DPY30: variants seen among roughly 807,000 people sequenced by gnomAD.
The protein encoded by DPY30 is dpy-30 histone methyltransferase complex regulatory subunit.
In DPY30, 6 loss-of-function variants were observed where a neutral mutation model predicts 16.2. That is an observed-to-expected ratio of 0.37 (90% confidence interval 0.20 to 0.73). The LOEUF (loss-of-function observed/expected upper bound fraction) is 0.73. Ranked by LOEUF, DPY30 falls within the 30% of genes least tolerant of loss-of-function variation. The probability of loss-of-function intolerance (pLI) is 0.51; values close to 1 mark genes in which losing one functional copy is unlikely to be tolerated. For synonymous variants in DPY30, 39 were observed against 38.8 expected, an observed-to-expected ratio of 1.00 and a Z score of -0.02; for missense variants, 73 against 113.1, an observed-to-expected ratio of 0.65 and a Z score of 1.61.
chr2:32,039,270 G>T lies in DPY30; in HGVS notation c.84+9C>A, dbSNP rs1207434210. The T allele has an allele frequency of 1.2e-6, 2 of 1,614,168 alleles. No homozygotes were observed. The highest frequency in any genetic ancestry group is 2.2e-5 in the South Asian group (2 of 91,086). The stretch of plus-strand genomic sequence containing the variant: ...AACACAGATGAGGCATAGGAACTTG[G>T]CGAGTTACCTCAACGTTGTCTGTGA... On this transcript the variant is annotated intron_variant, in intron 3 of 4. Coordinates refer to ENST00000342166, the MANE Select transcript of DPY30 (RefSeq NM_001321209.2).
rs753708309 is a variant in DPY30 at position 32,029,479 on chromosome 2, T to G, written c.227+115A>C. The G allele has an allele frequency of 1.2e-4, 150 of 1,280,272 alleles. 1 individual carries two copies. Among genetic ancestry groups the G allele is most frequent in the Non-Finnish European group, 1.5e-4 (140 of 927,916 alleles). The allele number at this position is 1,280,272 out of a possible 1,614,324, so 79.3% of individuals were successfully genotyped here. A position where few individuals can be genotyped will look rare whatever the true frequency, so the allele number is the denominator to read the frequency against. ...TATGGCTGAATACTTTCTTAAAAAC[T>G]TTAACATCCATAAATCACACAGTAA... On this transcript the variant is annotated intron_variant, in intron 4 of 4. Coordinates refer to ENST00000342166, the MANE Select transcript of DPY30 (RefSeq NM_001321209.2).
At chr2:32,032,651 G>A (rs1675583734) in intron 3 of DPY30, among the ~76,000 whole-genome samples, 2 of 152,282 alleles carry the variant, frequency 1.3e-5, no homozygotes, top group South Asian at 2.1e-4. Context: ...CTTGAGCACA[G>A]GAGTTTGAAA....
chr2:32,029,641 T>A lies in DPY30; in HGVS notation c.180A>T (p.Thr60=), dbSNP rs761869992. ...SLPTRAYLDQ[T]VVPILLQGLA... ...GTCCCTGTAATAAGATAGGCACAAC[T>A]GTCTGATCCAGGTAGGCACGAGTTG... Residue 60 remains threonine, a synonymous_variant, in exon 4 of 5, where the codon ACA becomes ACT. Coordinates refer to ENST00000342166, the MANE Select transcript of DPY30 (RefSeq NM_001321209.2). 6 of 1,613,934 alleles carry A rather than the reference T, an allele frequency of 3.7e-6. No individual in the cohort carries two copies. The highest frequency in any genetic ancestry group is 5.1e-6 in the Non-Finnish European group (6 of 1,180,026).
chr2:32,036,073 C>G (rs1159456802), intron 3 of DPY30, among the ~76,000 whole-genome samples: 1 of 151,746 alleles, frequency 6.6e-6, no homozygotes, highest in African/African-American at 2.4e-5. Context: ...CAGCCTTGGC[C>G]TCCCAGGCTC....
At chr2:32,022,873 C>G (rs6752375), downstream of DPY30, among the ~76,000 whole-genome samples, 43 of 152,042 alleles carry the variant, frequency 2.8e-4, no homozygotes, top group South Asian at 3.1e-3. Flanking sequence ...TGGAGACACA[C>G]GACTTTAATA....
At chr2:32,016,878 T>G (rs941121695) in intron 5 of DPY30, among the ~76,000 whole-genome samples, 5 of 152,172 alleles carry the variant, frequency 3.3e-5, no homozygotes, top group African/African-American at 1.2e-4. Flanking sequence ...ATATAATAGT[T>G]TCTTTTTTGT....
intron 5 of DPY30, among the ~76,000 whole-genome samples, chr2:32,017,481 G>A (rs1469187852): frequency 6.6e-6 from 1 of 151,952 alleles, no homozygotes; most frequent in Non-Finnish European, 1.5e-5. Context: ...GCCGGGCATG[G>A]TGGCAGGCAT....
chr2:32,027,960 A>G (rs1675395687), intron 4 of DPY30, among the ~76,000 whole-genome samples: 1 of 152,124 alleles, frequency 6.6e-6, no homozygotes, highest in South Asian at 2.1e-4. Flanking sequence ...TTGATAGTAG[A>G]GCCAAGATAT....
chr2:32,039,790 A>C lies in DPY30; in HGVS notation c.-94T>G. 1 of 400,774 alleles carries C rather than the reference A, an allele frequency of 2.5e-6. No homozygotes were observed. Among genetic ancestry groups the C allele is most frequent in the South Asian group, 3.6e-5 (1 of 27,802 alleles). The allele number at this position is 400,774 out of a possible 1,614,324, so 24.8% of individuals were successfully genotyped here. On this transcript the variant is annotated 5_prime_UTR_variant, in exon 1 of 5. Transcript: ENST00000342166. Reference sequence around the variant, plus strand: ...GCACCGCGCCACCAGCTCCCAGCACAAACAGCTCCGGCCGTAAGTGACGGC... The same window carrying C: ...GCACCGCGCCACCAGCTCCCAGCACCAACAGCTCCGGCCGTAAGTGACGGC...
chr2:32,027,807 G>GT (rs1675389143), intron 4 of DPY30, among the ~76,000 whole-genome samples: 1 of 151,452 alleles, frequency 6.6e-6, no homozygotes, highest in Non-Finnish European at 1.5e-5. Context: ...TTTTTGTATC[G>GT]TTACTAGAGA....
chr2:32,033,523 C>A lies in DPY30; in HGVS notation c.85-3787G>T, dbSNP rs568174133. Among the ~76,000 whole-genome samples the A allele has an allele frequency of 1.5e-4, 23 of 151,126 alleles. No individual in the cohort carries two copies. The East Asian group carries it at 4.6e-3, about 30-fold the overall frequency. On this transcript the variant is annotated intron_variant, in intron 3 of 4. Coordinates refer to ENST00000342166, the MANE Select transcript of DPY30 (RefSeq NM_001321209.2). ...CCACAACTCTATTAAAAATACAAAACTAGCCAGGCGTGGTGGCACATGCCT... is the reference window on the plus strand; with the variant it reads ...CCACAACTCTATTAAAAATACAAAAATAGCCAGGCGTGGTGGCACATGCCT...
chr2:32,025,958 A>C (rs1558585527), intron 4 of DPY30, among the ~76,000 whole-genome samples: 1 of 151,912 alleles, frequency 6.6e-6, no homozygotes, highest in Non-Finnish European at 1.5e-5. Flanking sequence ...AATACAAAAA[A>C]TCAGCCAGGC....
chr2:32,035,116 A>G (rs979881162), intron 3 of DPY30, among the ~76,000 whole-genome samples: 2 of 151,322 alleles, frequency 1.3e-5, no homozygotes, highest in Non-Finnish European at 2.9e-5. Flanking sequence ...TTAAAAAAAA[A>G]AAAAAAATTA....
chr2:32,024,336 A>C (rs955383004), intron 4 of DPY30, 80 bp from the exon 5 acceptor site: 49 of 1,039,412 alleles, frequency 4.7e-5, no homozygotes, highest in Non-Finnish European at 6.7e-5. Flanking sequence ...CATAATGAAA[A>C]CTCATCTTTT....
chr2:32,023,786 T>A, downstream of DPY30: 1 of 1,306,414 alleles, frequency 7.7e-7, no homozygotes, highest in Non-Finnish European at 1.0e-6. Context: ...TTGACTGCTG[T>A]ATTTTCTCTC....
intron 3 of DPY30, among the ~76,000 whole-genome samples, chr2:32,031,417 A>G (rs949308163): frequency 2.7e-5 from 4 of 149,014 alleles, no homozygotes; most frequent in African/African-American, 9.8e-5. Flanking sequence ...CTCCGTCTCA[A>G]AAAAAAAAAG....
downstream of DPY30, among the ~76,000 whole-genome samples, chr2:32,019,834 A>AT (rs1558582351): frequency 1.9e-3 from 233 of 120,568 alleles, 1 homozygote; most frequent in Non-Finnish European, 2.3e-3. Context: ...AAAAAAAAAA[A>AT]AATATATATA....
chr2:32,026,517 G>A (rs539726487), intron 4 of DPY30, among the ~76,000 whole-genome samples: 71 of 152,326 alleles, frequency 4.7e-4, no homozygotes, highest in Non-Finnish European at 9.3e-4. Flanking sequence ...GAGGCCGAGT[G>A]TAATGGCTCA....
intron 1 of DPY30, 102 bp from the exon 2 acceptor site, chr2:32,039,594 TG>T: frequency 1.8e-6 from 2 of 1,142,384 alleles, no homozygotes; most frequent in South Asian, 2.8e-5. Context: ...CACCCCCACC[TG>T]GGCGCGGGAG....
Sources: gnomAD v4.1 joint callset for allele counts (sites outside exome capture counted in the v4.1 genomes callset) on GRCh38, gnomAD v4.1.1 for gene constraint, MANE v1.5 for transcripts, NCBI Gene and HGNC (gene_info 2026-07-23, HGNC 2026-07-21) for gene names.